TMEM150C: variants seen among roughly 807,000 people sequenced by gnomAD.
The protein encoded by TMEM150C is transmembrane protein 150C.
TMEM150C carries 10 observed loss-of-function variants against 29.9 expected under a neutral mutation model. The observed-to-expected ratio is 0.33, with a 90% CI of 0.21 to 0.57. TMEM150C has a LOEUF of 0.57. TMEM150C is among the 20% of genes least tolerant of loss of function. The pLI, the probability that TMEM150C is intolerant of heterozygous loss-of-function variation, is 0.88. For synonymous variants in TMEM150C, 101 were observed against 112.5 expected, an observed-to-expected ratio of 0.90 and a Z score of 0.64; for missense variants, 251 against 303.6, an observed-to-expected ratio of 0.83 and a Z score of 1.29.
intron 7 of TMEM150C, among the ~76,000 whole-genome samples, chr4:82,486,982 C>G (rs1053917955): frequency 6.6e-6 from 1 of 152,140 alleles, no homozygotes; most frequent in Non-Finnish European, 1.5e-5. Flanking sequence ...GTTCTATCTT[C>G]TGAAATTAGA....
chr4:82,489,680 T>G (rs1723269567), intron 7 of TMEM150C, among the ~76,000 whole-genome samples: 1 of 152,100 alleles, frequency 6.6e-6, no homozygotes, highest in African/African-American at 2.4e-5. Flanking sequence ...ATAAATGAAA[T>G]GAAATAACAG....
At chr4:82,520,541 T>C (rs1724450102) in intron 1 of TMEM150C, among the ~76,000 whole-genome samples, 1 of 152,228 alleles carries the variant, frequency 6.6e-6, no homozygotes, top group South Asian at 2.1e-4. Context: ...CACTCCTTGC[T>C]ACAGCAGCCA....
intron 1 of TMEM150C, among the ~76,000 whole-genome samples, chr4:82,519,646 C>T (rs1227968840): frequency 6.6e-6 from 1 of 152,038 alleles, no homozygotes; most frequent in African/African-American, 2.4e-5. Context: ...AGGCTGGTCT[C>T]GAACTCCTAA....
intron 1 of TMEM150C, among the ~76,000 whole-genome samples, chr4:82,541,778 G>C (rs1560497554): frequency 6.6e-6 from 1 of 152,074 alleles, no homozygotes; most frequent in African/African-American, 2.4e-5. Flanking sequence ...ACGAACTGTT[G>C]ATATACTAAA....
chr4:82,561,766 AGCCGGGCGGACCCAGCC>A (rs1203833677), intron 1 of TMEM150C, 123 bp downstream of exon 1: 1 of 571,786 alleles, frequency 1.7e-6, no homozygotes, highest in African/African-American at 2.1e-5. Flanking sequence ...AGGGCCCCGC[AGCCGGGCGGACCCAGCC>A]GCCCCAGCCG....
intron 1 of TMEM150C, among the ~76,000 whole-genome samples, chr4:82,521,539 G>A (rs1233808182): frequency 6.6e-6 from 1 of 152,200 alleles, no homozygotes; most frequent in African/African-American, 2.4e-5. Context: ...CACACAGTAC[G>A]AGTGATTAAT....
chr4:82,539,710 C>A (rs1277263080), intron 1 of TMEM150C, among the ~76,000 whole-genome samples: 3 of 152,136 alleles, frequency 2.0e-5, no homozygotes, highest in African/African-American at 7.2e-5. Context: ...CTTCTGCCTC[C>A]CAAAGTGCTG....
chr4:82,497,835 T>G (rs1196401873), intron 5 of TMEM150C, among the ~76,000 whole-genome samples: 2 of 151,610 alleles, frequency 1.3e-5, no homozygotes, highest in Admixed American at 6.6e-5. Context: ...AGGATAGGAG[T>G]AGGAGGAGGA....
intron 6 of TMEM150C, among the ~76,000 whole-genome samples, chr4:82,492,898 A>ATATATATG (rs1367287202): frequency 8.1e-5 from 11 of 136,092 alleles, no homozygotes; most frequent in African/African-American, 3.1e-4. Flanking sequence ...ATATATATAT[A>ATATATATG]TGTATTTGAG....
rs1723553519 is a variant in TMEM150C at position 82,496,209 on chromosome 4, A to T, written c.236-14T>A. ...CTACCACAAGGGCTAGGAATAAAGC[A>T]AAGTCTTAAAATGGAAGAAATTAAA... On this transcript the variant is annotated splice_polypyrimidine_tract_variant and intron_variant, in intron 5 of 7. Coordinates refer to ENST00000449862, the MANE Select transcript of TMEM150C (RefSeq NM_001080506.3). 2.5e-6 allele frequency: 4 copies of T among 1,611,846 alleles called. No homozygotes were observed. The East Asian group carries it at 8.9e-5, about 36-fold the overall frequency.
intron 1 of TMEM150C, among the ~76,000 whole-genome samples, chr4:82,556,041 C>T (rs1172948819): frequency 1.3e-5 from 2 of 151,600 alleles, no homozygotes; most frequent in Non-Finnish European, 2.9e-5. Flanking sequence ...CTGAGTGGTG[C>T]AGAGTTAGGA....
intron 6 of TMEM150C, chr4:82,491,766 T>C (rs998107439): frequency 9.0e-6 from 3 of 332,366 alleles, no homozygotes; most frequent in Non-Finnish European, 1.6e-5. Flanking sequence ...CCTCCCAAAG[T>C]GCTGAGATTA....
At position 82,504,612 on chromosome 4, in the gene TMEM150C, A is replaced by C. The variant is rs1027104858; in HGVS notation, c.46T>G (p.Phe16Val). 2.5e-6 allele frequency: 4 copies of C among 1,613,790 alleles called. No individual in the cohort carries two copies. The highest frequency in any genetic ancestry group is 3.3e-4 in the Middle Eastern group (2 of 6,062). ...CSVWMFLPLV[F>V]TLFTSAGLWI... ...AATCCAGCTGAAGTAAACAAAGTAA[A>C]TACAAGAGGTAGGAACATCCATACG... Residue 16 changes from phenylalanine to valine, a missense_variant, in exon 2 of 8, where the codon TTT (phenylalanine) becomes GTT (valine). Coordinates refer to ENST00000449862, the MANE Select transcript of TMEM150C (RefSeq NM_001080506.3).
At chr4:82,544,032 A>C (rs1725275705) in intron 1 of TMEM150C, among the ~76,000 whole-genome samples, 1 of 152,208 alleles carries the variant, frequency 6.6e-6, no homozygotes, top group South Asian at 2.1e-4. Context: ...TGAGCTTGTC[A>C]GTGTGAACCA....
intron 1 of TMEM150C, among the ~76,000 whole-genome samples, chr4:82,541,188 T>C (rs759227434): frequency 5.9e-5 from 9 of 152,222 alleles, no homozygotes; most frequent in Non-Finnish European, 1.3e-4. Flanking sequence ...ATAAGTTATA[T>C]ACTTTCTATC....
At chr4:82,523,929 A>G (rs1313387241) in intron 1 of TMEM150C, among the ~76,000 whole-genome samples, 4 of 150,500 alleles carry the variant, frequency 2.7e-5, no homozygotes, top group Non-Finnish European at 4.4e-5. Context: ...TGATCCGCCC[A>G]CCTCCGTCTC....
At position 82,530,845 on chromosome 4, in the gene TMEM150C, G is replaced by A. The variant is rs1035741235; in HGVS notation, c.-10-26178C>T. Among the ~76,000 whole-genome samples, 6 of 152,172 alleles carry A rather than the reference G, an allele frequency of 3.9e-5. No homozygotes were observed. In the South Asian group the frequency reaches 8.3e-4, roughly 21 times the overall value. ...GAAACTTACCATTATGGTGGAAGGC[G>A]AAGGGGAAGCAAGCACGTCTTACAT... On this transcript the variant is annotated intron_variant, in intron 1 of 7. Transcript: ENST00000449862.
intron 6 of TMEM150C, chr4:82,495,773 G>C: frequency 2.6e-6 from 1 of 387,446 alleles, no homozygotes. Context: ...TCTTCACCCA[G>C]AGCATAAGCA....
chr4:82,545,539 G>A (rs1455838961), intron 1 of TMEM150C, among the ~76,000 whole-genome samples: 2 of 152,116 alleles, frequency 1.3e-5, no homozygotes, highest in East Asian at 1.9e-4. Context: ...GGAAATCCTT[G>A]CCACAGTAAT....
Sources: gnomAD v4.1 joint callset for allele counts (sites outside exome capture counted in the v4.1 genomes callset) on GRCh38, gnomAD v4.1.1 for gene constraint, MANE v1.5 for transcripts, NCBI Gene and HGNC (gene_info 2026-07-23, HGNC 2026-07-21) for gene names.